AKR1B15: variants seen among roughly 807,000 people sequenced by gnomAD.
AKR1B15 encodes the protein aldo-keto reductase family 1 member B15.
Under a neutral mutation model 38.5 loss-of-function variants are expected in AKR1B15, and 49 were observed. The observed-to-expected ratio is 1.27, with a 90% confidence interval of 1.01 to 1.62. AKR1B15 has a LOEUF of 1.62. AKR1B15 is among the 40% of genes most tolerant of loss of function. The pLI, the probability that AKR1B15 is intolerant of heterozygous loss-of-function variation, is 0.00. For missense variants in AKR1B15, 411 were observed against 381.6 expected (o/e 1.08, Z -0.64); for synonymous variants, 137 against 135.5 (o/e 1.01, Z -0.08).
intron 2 of AKR1B15, among the ~76,000 whole-genome samples, chr7:134,562,870 CTTTCTTTCTTTCT>C (rs1241349646): frequency 7.1e-6 from 1 of 141,836 alleles, no homozygotes; most frequent in Non-Finnish European, 1.5e-5. Flanking sequence ...TTCTTTCTTT[CTTTCTTTCTTTCT>C]TTCTTTCCTT....
intron 1 of AKR1B15, among the ~76,000 whole-genome samples, chr7:134,552,187 C>T (rs769318810): frequency 1.2e-4 from 19 of 152,162 alleles, no homozygotes; most frequent in Non-Finnish European, 2.5e-4. Context: ...CGGATGAGAC[C>T]TGCTTCATAA....
chr7:134,560,454 C>A (rs1474685996), intron 2 of AKR1B15, among the ~76,000 whole-genome samples: 3 of 152,114 alleles, frequency 2.0e-5, no homozygotes, highest in Non-Finnish European at 4.4e-5. Flanking sequence ...AATTGCCAAC[C>A]CACAAAATCA....
rs2117673251 is a variant in AKR1B15, at chr7:134,577,017, A to T, written c.880A>T (p.Thr294Ser). The T allele has an allele frequency of 1.2e-6, 2 of 1,613,878 alleles. No individual in the cohort carries two copies. The highest frequency in any genetic ancestry group is 1.7e-6 in the Non-Finnish European group (2 of 1,179,808). ...RNVTVIPKSM[T>S]PAHIVENIQV... ...TGTGACAGTGATCCCCAAGTCTATG[A>T]CACCAGCACACATTGTTGAGAACAT... Residue 294 changes from threonine (T) to serine (S), a missense_variant, in exon 10 of 12, where the codon ACA becomes TCA. By Grantham distance (58) the Thr-to-Ser change is moderately conservative (BLOSUM62 1). Around this residue, in one of 3 missense-constraint regions of AKR1B15, gnomAD observed 133 missense variants for 120.3 expected, o/e 1.11. Coordinates refer to ENST00000457545, the MANE Select transcript of AKR1B15 (RefSeq NM_001080538.3).
At chr7:134,570,688 G>T (rs1246587073) in intron 5 of AKR1B15, among the ~76,000 whole-genome samples, 4 of 152,208 alleles carry the variant, frequency 2.6e-5, no homozygotes, top group Non-Finnish European at 5.9e-5. Flanking sequence ...CACCAGGGCT[G>T]CAGAGTGGTG....
intron 3 of AKR1B15, chr7:134,565,134 C>T: frequency 3.0e-6 from 1 of 337,848 alleles, no homozygotes; most frequent in Non-Finnish European, 5.5e-6. Flanking sequence ...AGATACCCTT[C>T]CACACCGTGG....
At chr7:134,562,426 T>A (rs1794422807) in intron 2 of AKR1B15, among the ~76,000 whole-genome samples, 1 of 150,840 alleles carries the variant, frequency 6.6e-6, no homozygotes, top group African/African-American at 2.4e-5. Flanking sequence ...AGAGTGCTGA[T>A]TGGTCCATTT....
At position 134,576,830 on chromosome 7, in the gene AKR1B15, T is replaced by C. The variant is rs374771560; in HGVS notation, c.826-133T>C. On this transcript the variant is annotated intron_variant, in intron 9 of 11. Coordinates refer to ENST00000457545, the MANE Select transcript of AKR1B15 (RefSeq NM_001080538.3). ...GGGGGTCTGGCACAAGTCTAATAGCTGTGAAGGGCTCAGTAATTATTAGCG... is the reference window on the plus strand; with the variant it reads ...GGGGGTCTGGCACAAGTCTAATAGCCGTGAAGGGCTCAGTAATTATTAGCG... 52 of 816,570 alleles carry C rather than the reference T, an allele frequency of 6.4e-5. No individual in the cohort carries two copies. In the East Asian group the frequency reaches 9.2e-4, roughly 14 times the overall value. The allele number at this position is 816,570 out of a possible 1,614,324, so 50.6% of individuals were successfully genotyped here. A position where few individuals can be genotyped will look rare whatever the true frequency, so the allele number is the denominator to read the frequency against.
intron 6 of AKR1B15, among the ~76,000 whole-genome samples, chr7:134,572,510 G>A (rs1351515684): frequency 6.6e-6 from 1 of 151,918 alleles, no homozygotes; most frequent in African/African-American, 2.4e-5. Flanking sequence ...TGCCTGGAAT[G>A]TGAGCTACTT....
chr7:134,569,142 C>T (rs574145943), intron 4 of AKR1B15, among the ~76,000 whole-genome samples: 3 of 152,200 alleles, frequency 2.0e-5, no homozygotes, highest in African/African-American at 4.8e-5. Flanking sequence ...AAACAAATTT[C>T]AAATCTGTGG....
At chr7:134,563,965 T>G (rs764108421) in intron 2 of AKR1B15, among the ~76,000 whole-genome samples, 2 of 147,090 alleles carry the variant, frequency 1.4e-5, no homozygotes, top group Admixed American at 6.6e-5. Flanking sequence ...CCAAGGCAGA[T>G]TCTTCTTCTG....
At chr7:134,575,259 T>G (rs537166838) in intron 6 of AKR1B15, among the ~76,000 whole-genome samples, 161 bp from the exon 7 acceptor site, 3 of 152,316 alleles carry the variant, frequency 2.0e-5, no homozygotes, top group Non-Finnish European at 2.9e-5. Context: ...AACCAATCAC[T>G]GATGGGCACC....
At chr7:134,564,245 G>A (rs1358611206) in intron 2 of AKR1B15, among the ~76,000 whole-genome samples, 1 of 152,184 alleles carries the variant, frequency 6.6e-6, no homozygotes, top group Non-Finnish European at 1.5e-5. Context: ...CAGTTTGCAA[G>A]AAATAACAAA....
intron 4 of AKR1B15, 70 bp downstream of exon 4, chr7:134,568,395 G>A: frequency 1.3e-6 from 2 of 1,585,606 alleles, no homozygotes; most frequent in Non-Finnish European, 8.6e-7. Flanking sequence ...CGGGTGGGCA[G>A]CAAGAACTCT....
At chr7:134,558,970 C>G (rs1246235983) in intron 2 of AKR1B15, among the ~76,000 whole-genome samples, 1 of 152,124 alleles carries the variant, frequency 6.6e-6, no homozygotes, top group Non-Finnish European at 1.5e-5. Flanking sequence ...TGTACTGAGA[C>G]TGCAGTCTGG....
intron 2 of AKR1B15, among the ~76,000 whole-genome samples, chr7:134,560,922 A>G (rs1270576576): frequency 6.6e-6 from 1 of 152,220 alleles, no homozygotes; most frequent in Non-Finnish European, 1.5e-5. Context: ...TAATTAATTC[A>G]AAGAAATTAG....
At position 134,579,560 on chromosome 7, in the gene AKR1B15, C is replaced by G. The variant is rs557648418; in HGVS notation, c.*11C>G. On this transcript the variant is annotated 3_prime_UTR_variant, in exon 12 of 12. Transcript: ENST00000457545. ...GATGCAGAATATTGAGGTTGAATCT[C>G]CTGGTGAGATTACACAGGGGATTCT... 1 of 1,594,682 alleles carries G rather than the reference C, an allele frequency of 6.3e-7. No individual in the cohort carries two copies. Among genetic ancestry groups the G allele is most frequent in the South Asian group, 1.1e-5 (1 of 87,754 alleles).
At chr7:134,573,469 T>C in intron 6 of AKR1B15, 2 of 985,408 alleles carry the variant, frequency 2.0e-6, no homozygotes, top group Non-Finnish European at 2.4e-6. Context: ...AGAAAACATT[T>C]GAAAGGCATG....
Position 134,556,742 on chromosome 7 carries a change from C to T in AKR1B15, c.-140C>T, listed in dbSNP as rs1041526315. ...CCCCTGAATTGCATTTCAGGTTTCA[C>T]CGAGCTGCCCTACTCCTTGTACCCC... On this transcript the variant is annotated 5_prime_UTR_variant, in exon 2 of 12. Coordinates refer to ENST00000457545, the MANE Select transcript of AKR1B15 (RefSeq NM_001080538.3). 6.6e-6 allele frequency: 1 copy of T among 152,180 alleles called. No individual in the cohort carries two copies. 9.4% of individuals were successfully genotyped at this position (152,180 alleles called of 1,614,324 possible). A position where few individuals can be genotyped will look rare whatever the true frequency, so the allele number is the denominator to read the frequency against.
intron 5 of AKR1B15, among the ~76,000 whole-genome samples, chr7:134,570,683 G>C (rs906023218): frequency 6.6e-6 from 1 of 152,174 alleles, no homozygotes; most frequent in African/African-American, 2.4e-5. Flanking sequence ...AGCTGCACCA[G>C]GGCTGCAGAG....
Sources: allele counts gnomAD v4.1 joint callset (sites outside exome capture counted in the v4.1 genomes callset), GRCh38; gene constraint gnomAD v4.1.1; regional missense constraint gnomAD v4.1.1; transcripts MANE v1.5; gene names NCBI Gene and HGNC (gene_info 2026-07-23, HGNC 2026-07-21).